Variants in NME7 observed in about 807,000 individuals in gnomAD.
The protein encoded by NME7 is nucleoside diphosphate kinase 7.
In NME7, 41 loss-of-function variants were observed where a neutral mutation model predicts 49.1. The ratio of observed to expected loss-of-function variants is 0.83; its 90% CI spans 0.65 to 1.08. The LOEUF (loss-of-function observed/expected upper bound fraction) is 1.08, where lower values mean the gene tolerates loss of function less well. NME7 is among the 50% of genes least tolerant of loss of function. The pLI, the probability that NME7 is intolerant of heterozygous loss-of-function variation, is 0.00. For synonymous variants in NME7, 139 were observed against 150.6 expected, an observed-to-expected ratio of 0.92 and a Z score of 0.56; for missense variants, 423 against 463.4, an observed-to-expected ratio of 0.91 and a Z score of 0.80.
At chr1:169,204,324 T>A (rs1173308228) in intron 10 of NME7, among the ~76,000 whole-genome samples, 1 of 151,628 alleles carries the variant, frequency 6.6e-6, no homozygotes, top group African/African-American at 2.4e-5. Context: ...CACATAACTC[T>A]TACTTTGATC....
At chr1:169,274,188 G>C (rs1189337640) in intron 7 of NME7, among the ~76,000 whole-genome samples, 1 of 133,350 alleles carries the variant, frequency 7.5e-6, no homozygotes, top group East Asian at 2.0e-4. Flanking sequence ...TGTCATTGTG[G>C]TTTTGATTTG....
intron 7 of NME7, among the ~76,000 whole-genome samples, chr1:169,251,364 A>T (rs1350452248): frequency 1.3e-5 from 2 of 151,814 alleles, no homozygotes; most frequent in Non-Finnish European, 2.9e-5. Context: ...GTTTATATGA[A>T]TCTTTATGTA....
intron 10 of NME7, among the ~76,000 whole-genome samples, chr1:169,187,443 T>C (rs1660098496): frequency 6.6e-6 from 1 of 152,184 alleles, no homozygotes; most frequent in African/African-American, 2.4e-5. Flanking sequence ...ATTGGGTGCA[T>C]ATATATTTAG....
rs774277756 is a variant in NME7 at position 169,328,003 on chromosome 1, T to G, written c.4-3503A>C. ...AAAGCTATTCCATTCCTGATGATAC[T>G]ATGATCATCAATCAACAAATACCAA... is the stretch of plus-strand genomic sequence containing the variant. On this transcript the variant is annotated intron_variant, in intron 1 of 11. Transcript: ENST00000367811. 9.2e-5 allele frequency among the ~76,000 whole-genome samples: 14 copies of G among 152,204 alleles called. 1 individual carries two copies. Among genetic ancestry groups the G allele is most frequent in the Middle Eastern group, 3.2e-3 (1 of 316 alleles).
chr1:169,227,920 C>A (rs1302066321), intron 10 of NME7, among the ~76,000 whole-genome samples: 8 of 151,926 alleles, frequency 5.3e-5, no homozygotes, highest in African/African-American at 1.9e-4. Context: ...TGGAAATTAG[C>A]CACTTACAGT....
At chr1:169,302,293 A>G (rs910514273) in intron 5 of NME7, 1 of 152,202 alleles carries the variant, frequency 6.6e-6, no homozygotes. Flanking sequence ...TACCAAAAAG[A>G]TACATGCACT....
At chr1:169,224,331 G>A (rs1199018507) in intron 10 of NME7, among the ~76,000 whole-genome samples, 1 of 152,084 alleles carries the variant, frequency 6.6e-6, no homozygotes, top group East Asian at 1.9e-4. Context: ...CCCTATGCCA[G>A]GCCATTCCTT....
chr1:169,226,701 T>C (rs1384739905), intron 10 of NME7, among the ~76,000 whole-genome samples: 4 of 152,202 alleles, frequency 2.6e-5, no homozygotes, highest in Admixed American at 1.3e-4. Context: ...AGATAAAAAG[T>C]ATTTTTGTTA....
intron 10 of NME7, among the ~76,000 whole-genome samples, chr1:169,176,230 G>T (rs1463903451): frequency 6.6e-6 from 1 of 152,150 alleles, no homozygotes; most frequent in Non-Finnish European, 1.5e-5. Flanking sequence ...GCCAGGGAGA[G>T]ACCCAGAGGC....
At chr1:169,268,651 A>C (rs1337029840) in intron 7 of NME7, among the ~76,000 whole-genome samples, 1 of 133,686 alleles carries the variant, frequency 7.5e-6, no homozygotes, top group Non-Finnish European at 1.8e-5. Flanking sequence ...ACACGAATGG[A>C]ACTGGAGGCC....
chr1:169,203,095 G>T (rs915732042), intron 10 of NME7, among the ~76,000 whole-genome samples: 1 of 152,136 alleles, frequency 6.6e-6, no homozygotes, highest in African/African-American at 2.4e-5. Flanking sequence ...GATAAGAAAG[G>T]CTACACAAGT....
chr1:169,269,601 C>T (rs988045539), intron 7 of NME7, among the ~76,000 whole-genome samples: 5 of 133,246 alleles, frequency 3.8e-5, no homozygotes, highest in African/African-American at 1.3e-4. Flanking sequence ...TCTTGGCTTA[C>T]ACAGCACCAA....
chr1:169,204,081 C>G (rs1333714552), intron 10 of NME7, among the ~76,000 whole-genome samples: 1 of 151,486 alleles, frequency 6.6e-6, no homozygotes, highest in African/African-American at 2.4e-5. Flanking sequence ...GTCTTGAACT[C>G]CTGGCTTCAA....
intron 10 of NME7, among the ~76,000 whole-genome samples, chr1:169,184,269 A>G (rs1276366601): frequency 1.3e-5 from 2 of 152,196 alleles, no homozygotes; most frequent in Non-Finnish European, 2.9e-5. Context: ...TACTATTGAA[A>G]TGAAGCAATC....
At chr1:169,353,578 A>G (rs1410112861) in intron 1 of NME7, among the ~76,000 whole-genome samples, 1 of 152,116 alleles carries the variant, frequency 6.6e-6, no homozygotes, top group Non-Finnish European at 1.5e-5. Context: ...AAGCTTCTGC[A>G]TAGCACAGGA....
chr1:169,308,473 G>T (rs1442458996), intron 4 of NME7, among the ~76,000 whole-genome samples: 1 of 152,140 alleles, frequency 6.6e-6, no homozygotes, highest in East Asian at 1.9e-4. Context: ...CTACATTCCT[G>T]TCCCTAGAGA....
chr1:169,258,734 C>A (rs1649065725), intron 7 of NME7, among the ~76,000 whole-genome samples: 1 of 132,956 alleles, frequency 7.5e-6, no homozygotes, highest in Admixed American at 7.4e-5. Context: ...ACTATATACA[C>A]TGAATATGGG....
At chr1:169,208,959 T>C (rs1468915421) in intron 10 of NME7, among the ~76,000 whole-genome samples, 1 of 152,100 alleles carries the variant, frequency 6.6e-6, no homozygotes, top group African/African-American at 2.4e-5. Flanking sequence ...CATCTGTTTT[T>C]AGATTTTAGT....
In NME7 at chr1:169,257,985, C is replaced by G. The variant is rs1419202999; in HGVS notation, c.755-20298G>C. Among the ~76,000 whole-genome samples the G allele has an allele frequency of 2.2e-5, 3 of 133,514 alleles. 1 individual carries two copies. Among genetic ancestry groups the G allele is most frequent in the Admixed American group, 2.2e-4 (3 of 13,550 alleles). 87.6% of individuals were successfully genotyped at this position (133,514 alleles called of 152,430 possible). ...GATCCATTAACTTTAACATGAACAA[C>G]ACAAAGTAAATAAATGTTGTTCCTT... is the stretch of plus-strand genomic sequence containing the variant. On this transcript the variant is annotated intron_variant, in intron 7 of 11. Transcript: ENST00000367811.
Sources: allele counts gnomAD v4.1 joint callset (sites outside exome capture counted in the v4.1 genomes callset), GRCh38; gene constraint gnomAD v4.1.1; transcripts MANE v1.5; gene names NCBI Gene and HGNC (gene_info 2026-07-23, HGNC 2026-07-21).